The following STARD13 variants were observed in gnomAD, a reference collection of about 807,000 sequenced individuals.
STARD13 encodes the protein stAR-related lipid transfer protein 13.
STARD13 carries 62 observed loss-of-function variants against 106.4 expected under a neutral mutation model. That is an observed-to-expected ratio of 0.58 (90% CI 0.48 to 0.72). The LOEUF is 0.72. STARD13 is among the 30% of genes least tolerant of loss of function. The probability of loss-of-function intolerance (pLI) is 0.00; values close to 1 mark genes in which losing one functional copy is unlikely to be tolerated. For missense variants in STARD13, 1,387 were observed against 1,424.0 expected, an observed-to-expected ratio of 0.97 and a Z score of 0.42; for synonymous variants, 565 against 553.0, an observed-to-expected ratio of 1.02 and a Z score of -0.31.
the STARD13 span, among the ~76,000 whole-genome samples, chr13:33,622,779 G>A: frequency 6.6e-6 from 1 of 151,898 alleles, no homozygotes; most frequent in Non-Finnish European, 1.5e-5. Flanking sequence ...AATTAGCCGG[G>A]CGTGGTGGCG....
intron 1 of STARD13, among the ~76,000 whole-genome samples, chr13:33,323,263 T>C (rs759933543): frequency 2.0e-4 from 31 of 152,318 alleles, no homozygotes; most frequent in Admixed American, 6.5e-5. Flanking sequence ...CCTTTGCATA[T>C]GCTGTTCCCA....
At chr13:33,425,346 C>A in the STARD13 span, among the ~76,000 whole-genome samples, 1 of 152,184 alleles carries the variant, frequency 6.6e-6, no homozygotes, top group African/African-American at 2.4e-5. Context: ...GTTGACGGAA[C>A]AGGTAGCAAA....
the STARD13 span, among the ~76,000 whole-genome samples, chr13:33,429,187 G>C: frequency 6.6e-6 from 1 of 152,194 alleles, no homozygotes; most frequent in Admixed American, 6.5e-5. Flanking sequence ...AAACCCAAAA[G>C]AAAGGAAATC....
the STARD13 span, among the ~76,000 whole-genome samples, chr13:33,462,079 A>T: frequency 2.0e-5 from 3 of 151,828 alleles, no homozygotes; most frequent in Non-Finnish European, 2.9e-5. Flanking sequence ...CAAACCCTGC[A>T]CTCCGCCCCA....
the STARD13 span, among the ~76,000 whole-genome samples, chr13:33,551,533 A>ATCTTCTG: frequency 7.5e-6 from 1 of 133,224 alleles, no homozygotes; most frequent in Admixed American, 7.9e-5. Flanking sequence ...AGATCCAACT[A>ATCTTCTG]TCTTCTGTCT....
chr13:33,297,471 C>T (rs564607540), intron 1 of STARD13, among the ~76,000 whole-genome samples: 263 of 152,208 alleles, frequency 1.7e-3, no homozygotes, highest in African/African-American at 6.0e-3. Context: ...TTGGCCTTGG[C>T]TTGTTTATTA....
At chr13:33,163,680 A>AT (rs200773408) in intron 3 of STARD13, among the ~76,000 whole-genome samples, 3 of 103,800 alleles carry the variant, frequency 2.9e-5, no homozygotes, top group Admixed American at 9.1e-5. Flanking sequence ...ACATATATAT[A>AT]AAACATATAT....
intron 8 of STARD13, among the ~76,000 whole-genome samples, chr13:33,115,554 AAC>A (rs1422922278): frequency 6.6e-6 from 1 of 152,214 alleles, no homozygotes; most frequent in Non-Finnish European, 1.5e-5. Context: ...TCATTAAGAA[AAC>A]ACATGTTCTG....
intron 1 of STARD13, among the ~76,000 whole-genome samples, chr13:33,283,799 T>C (rs909128543): frequency 6.6e-6 from 1 of 152,226 alleles, no homozygotes. Context: ...CGTTCAGTGA[T>C]AGTGCATGTG....
intron 1 of STARD13, among the ~76,000 whole-genome samples, chr13:33,189,908 C>A (rs1886118925): frequency 6.6e-6 from 1 of 151,898 alleles, no homozygotes; most frequent in Admixed American, 6.6e-5. Flanking sequence ...CCACTCTAAG[C>A]CATTTTATAT....
the STARD13 span, among the ~76,000 whole-genome samples, chr13:33,665,658 C>T: frequency 9.2e-5 from 14 of 152,300 alleles, no homozygotes; most frequent in Admixed American, 5.9e-4. Context: ...TATAGGAGAA[C>T]GTGCATCTTT....
At chr13:33,619,270 A>G in the STARD13 span, among the ~76,000 whole-genome samples, 1 of 152,230 alleles carries the variant, frequency 6.6e-6, no homozygotes, top group East Asian at 1.9e-4. Flanking sequence ...GATTCCAAGT[A>G]GTTTACTTGT....
the STARD13 span, among the ~76,000 whole-genome samples, chr13:33,574,110 G>C: frequency 6.6e-6 from 1 of 152,170 alleles, no homozygotes; most frequent in East Asian, 1.9e-4. Flanking sequence ...CAATGGAAGA[G>C]AGGCATACAG....
the STARD13 span, among the ~76,000 whole-genome samples, chr13:33,671,231 T>G: frequency 6.6e-6 from 1 of 152,268 alleles, no homozygotes; most frequent in South Asian, 2.1e-4. Flanking sequence ...ATTAAAATAA[T>G]GCAAATGTCC....
the STARD13 span, among the ~76,000 whole-genome samples, chr13:33,485,047 A>C: frequency 1.3e-5 from 2 of 152,256 alleles, no homozygotes; most frequent in African/African-American, 4.8e-5. Context: ...GCAGATTCAC[A>C]TACTGAGAAA....
At chr13:33,420,418 T>C in the STARD13 span, among the ~76,000 whole-genome samples, 1 of 152,192 alleles carries the variant, frequency 6.6e-6, no homozygotes, top group East Asian at 1.9e-4. Flanking sequence ...CCTAAATATA[T>C]ATGCACCCAA....
the STARD13 span, among the ~76,000 whole-genome samples, chr13:33,620,832 GAAATGCCAA>G: frequency 6.6e-6 from 1 of 150,514 alleles, no homozygotes; most frequent in Non-Finnish European, 1.5e-5. Flanking sequence ...TTAATACATA[GAAATGCCAA>G]AAATAGTTGG....
At chr13:33,587,293 C>A in the STARD13 span, among the ~76,000 whole-genome samples, 1 of 152,000 alleles carries the variant, frequency 6.6e-6, no homozygotes, top group African/African-American at 2.4e-5. Context: ...GAGTCTTCAT[C>A]TGACTATGGC....
intron 1 of STARD13, among the ~76,000 whole-genome samples, chr13:33,193,046 G>A (rs982459405): frequency 1.2e-4 from 18 of 152,050 alleles, no homozygotes; most frequent in Non-Finnish European, 2.9e-5. Flanking sequence ...TAACTAAATG[G>A]GAATAAGTGG....
Sources: gnomAD v4.1 joint callset for allele counts (sites outside exome capture counted in the v4.1 genomes callset) on GRCh38, gnomAD v4.1.1 for gene constraint, MANE v1.5 for transcripts, NCBI Gene and HGNC (gene_info 2026-07-23, HGNC 2026-07-21) for gene names.